GPC3: variants seen among roughly 807,000 people sequenced by gnomAD.
GPC3 encodes the protein glypican 3, also known as glypican-3.
Under a neutral mutation model 34.4 loss-of-function variants are expected in GPC3, and 3 were observed. The observed-to-expected ratio is 0.09, with a 90% CI of 0.04 to 0.23. The LOEUF (loss-of-function observed/expected upper bound fraction) is 0.23. GPC3 is among the 10% of genes least tolerant of loss of function. GPC3 has a pLI of 1.00. For missense variants in GPC3, 351 were observed against 445.6 expected, an observed-to-expected ratio of 0.79 and a Z score of 1.91; for synonymous variants, 177 against 174.0, an observed-to-expected ratio of 1.02 and a Z score of -0.13.
intron 6 of GPC3, among the ~76,000 whole-genome samples, chrX:133,608,609 T>C (rs1470948363): frequency 2.7e-5 from 3 of 112,204 alleles, no homozygotes; most frequent in African/African-American, 9.7e-5. Flanking sequence ...AACATCTGTG[T>C]ATGAACCACA....
chrX:133,872,555 A>C (rs2075998374), intron 2 of GPC3, among the ~76,000 whole-genome samples: 1 of 111,483 alleles, frequency 9.0e-6, no homozygotes, highest in Admixed American at 9.6e-5. Flanking sequence ...TCTCACCCCC[A>C]TATTGCTTTG....
chrX:133,735,365 A>G lies in GPC3; in HGVS notation c.1032+18117T>C, dbSNP rs886384532. On this transcript the variant is annotated intron_variant, in intron 3 of 7. Coordinates refer to ENST00000370818, the MANE Select transcript of GPC3 (RefSeq NM_004484.4). ...CAAGACAATTCATGGGGGAAAGAAC[A>G]GTCTTTTCAACAAATGGAACTTGGG... 5.4e-5 allele frequency among the ~76,000 whole-genome samples: 6 copies of G among 111,913 alleles called. No homozygotes were observed. The Admixed American group carries it at 5.7e-4, about 11-fold the overall frequency.
chrX:133,605,810 T>C (rs2070044120), intron 6 of GPC3, among the ~76,000 whole-genome samples: 1 of 111,115 alleles, frequency 9.0e-6, no homozygotes, highest in African/African-American at 3.3e-5. Flanking sequence ...GAAGCCTGGG[T>C]GGAATTTTTG....
chrX:133,761,227 T>C (rs2071787460), intron 2 of GPC3, among the ~76,000 whole-genome samples: 1 of 112,300 alleles, frequency 8.9e-6, no homozygotes, highest in African/African-American at 3.2e-5. Context: ...TTTTAAATAC[T>C]AAATGATTTT....
At chrX:133,757,414 C>T (rs1215765631) in intron 2 of GPC3, among the ~76,000 whole-genome samples, 1 of 111,302 alleles carries the variant, frequency 9.0e-6, no homozygotes, top group Non-Finnish European at 1.9e-5. Flanking sequence ...TATTACCTCT[C>T]TTTAAATGGT....
intron 2 of GPC3, among the ~76,000 whole-genome samples, chrX:133,909,426 C>G (rs889187999): frequency 8.9e-6 from 1 of 112,165 alleles, no homozygotes; most frequent in Non-Finnish European, 1.9e-5. Context: ...CTACTAGGAG[C>G]TGTTTATCAT....
At chrX:133,918,656 C>T (rs2076234842) in intron 2 of GPC3, among the ~76,000 whole-genome samples, 1 of 111,867 alleles carries the variant, frequency 8.9e-6, no homozygotes, top group Non-Finnish European at 1.9e-5. Context: ...GATAGGAAAA[C>T]ACTAGTGTAT....
At chrX:133,621,165 A>G (rs1178487787) in intron 6 of GPC3, among the ~76,000 whole-genome samples, 1 of 111,652 alleles carries the variant, frequency 9.0e-6, no homozygotes, top group East Asian at 2.8e-4. Flanking sequence ...GCACTGGGAA[A>G]AAAAAAGAGT....
rs979224050 is a variant in GPC3, at chrX:133,870,807, C to A, written c.337+82243G>T. Among the ~76,000 whole-genome samples the A allele has an allele frequency of 2.7e-5, 3 of 111,627 alleles. No homozygotes were observed. In the South Asian group the frequency reaches 1.1e-3, roughly 42 times the overall value. ...CCCATCTCTCTAATGAAATTTGGTACTCAAATGTCACCAATGACTTTTAGA... is the reference window on the plus strand; with the variant it reads ...CCCATCTCTCTAATGAAATTTGGTAATCAAATGTCACCAATGACTTTTAGA... On this transcript the variant is annotated intron_variant, in intron 2 of 7. Coordinates refer to ENST00000370818, the MANE Select transcript of GPC3 (RefSeq NM_004484.4).
chrX:133,779,764 T>A (rs188074997), intron 2 of GPC3, among the ~76,000 whole-genome samples: 1 of 109,059 alleles, frequency 9.2e-6, no homozygotes, highest in Non-Finnish European at 1.9e-5. Context: ...AGAAGGTGGG[T>A]CATATCCATC....
At chrX:133,834,435 CA>C (rs2075790657) in intron 2 of GPC3, among the ~76,000 whole-genome samples, 1 of 111,665 alleles carries the variant, frequency 9.0e-6, no homozygotes, top group South Asian at 3.8e-4. Context: ...ATTCATTTAA[CA>C]AAATTTTATC....
At position 133,629,692 on chromosome X, in the gene GPC3, C is replaced by T. The variant is rs1193505201; in HGVS notation, c.1413+32038G>A. ...TACAGGTGTGAGCCACCACACCTGG[C>T]CTCAGTCTATGATTCTTTGAGATTG... is the stretch of plus-strand genomic sequence containing the variant. On this transcript the variant is annotated intron_variant, in intron 6 of 7. Coordinates refer to ENST00000370818, the MANE Select transcript of GPC3 (RefSeq NM_004484.4). Among the ~76,000 whole-genome samples the T allele has an allele frequency of 1.6e-4, 17 of 109,093 alleles. No homozygotes were observed. The Admixed American group carries it at 1.7e-3, about 11-fold the overall frequency. The allele number at this position is 109,093 out of a possible 115,157, so 94.7% of individuals were successfully genotyped here. A position where few individuals can be genotyped will look rare whatever the true frequency, so the allele number is the denominator to read the frequency against.
intron 1 of GPC3, among the ~76,000 whole-genome samples, chrX:133,966,051 A>C (rs1478067327): frequency 8.9e-6 from 1 of 112,092 alleles, no homozygotes; most frequent in Non-Finnish European, 1.9e-5. Context: ...TACTACTTTA[A>C]CAGCAATAGT....
intron 2 of GPC3, among the ~76,000 whole-genome samples, chrX:133,778,029 T>C (rs893353939): frequency 1.2e-4 from 13 of 112,527 alleles, no homozygotes; most frequent in African/African-American, 3.2e-4. Context: ...CCTTGTTTTG[T>C]AAAGAACACA....
chrX:133,671,852 G>A (rs1315016118), intron 5 of GPC3, among the ~76,000 whole-genome samples: 2 of 111,329 alleles, frequency 1.8e-5, no homozygotes, highest in African/African-American at 3.3e-5. Flanking sequence ...TCCCTGCCCT[G>A]TGTCCAAGTG....
intron 2 of GPC3, among the ~76,000 whole-genome samples, chrX:133,786,746 GT>G (rs923991679): frequency 2.7e-5 from 3 of 110,681 alleles, no homozygotes; most frequent in African/African-American, 6.6e-5. Context: ...ATTTTGCTGA[GT>G]TTTTTTTTCT....
At chrX:133,879,251 C>A (rs1209293053) in intron 2 of GPC3, among the ~76,000 whole-genome samples, 1 of 110,213 alleles carries the variant, frequency 9.1e-6, no homozygotes, top group African/African-American at 3.3e-5. Context: ...CAAAATTTAC[C>A]CAAATTTCCA....
At chrX:133,733,930 A>G (rs1392147900) in intron 3 of GPC3, among the ~76,000 whole-genome samples, 1 of 112,197 alleles carries the variant, frequency 8.9e-6, no homozygotes, top group Admixed American at 9.4e-5. Flanking sequence ...GCATAGGATC[A>G]GATGGCCTTA....
chrX:133,769,492 C>T (rs766692195), intron 2 of GPC3, among the ~76,000 whole-genome samples: 3 of 112,092 alleles, frequency 2.7e-5, no homozygotes, highest in Non-Finnish European at 3.8e-5. Flanking sequence ...AGGGTATATA[C>T]TTATCTCCAA....
Sources: gnomAD v4.1 joint callset for allele counts (sites outside exome capture counted in the v4.1 genomes callset) on GRCh38, gnomAD v4.1.1 for gene constraint, MANE v1.5 for transcripts, NCBI Gene and HGNC (gene_info 2026-07-23, HGNC 2026-07-21) for gene names.